HECTD4: variants seen among roughly 807,000 people sequenced by gnomAD.
HECTD4 encodes HECT domain E3 ubiquitin protein ligase 4.
HECTD4 carries 114 observed loss-of-function variants against 471.5 expected under a neutral mutation model. That is an observed-to-expected ratio of 0.24 (90% CI 0.21 to 0.28). The LOEUF is 0.28. Among genes scored for constraint, HECTD4 ranks in the 10% least tolerant of loss-of-function variants. The pLI is 1.00. For missense variants in HECTD4, 3,866 were observed against 5,651.5 expected (o/e 0.68, Z 10.13); for synonymous variants, 2,012 against 2,256.0 (o/e 0.89, Z 3.07).
chr12:112,302,755 T>C, intron 7 of HECTD4: 1 of 364,132 alleles, frequency 2.7e-6, no homozygotes, highest in South Asian at 4.3e-5. Flanking sequence ...ACTTTTCTAA[T>C]GATCCTTGGT....
chr12:112,261,154 T>G, intron 18 of HECTD4, 151 bp downstream of exon 18: 1 of 744,336 alleles, frequency 1.3e-6, no homozygotes, highest in East Asian at 3.0e-5. Context: ...GTGACTGCAC[T>G]TGGCTTTCAA....
In HECTD4 at chr12:112,256,581, A is replaced by G. The variant is rs2034014411; in HGVS notation, c.3129-63T>C. On this transcript the variant is annotated intron_variant, in intron 20 of 75. Transcript: ENST00000682272. ...CAAGGAAAGGAAAAACAATGTAAAC[A>G]TTAAATTGCTCTTTAATTTTCCACA... is the stretch of plus-strand genomic sequence containing the variant. The G allele has an allele frequency of 3.4e-6, 4 of 1,180,632 alleles. 1 individual carries two copies. The South Asian group carries it at 8.1e-5, about 24-fold the overall frequency. The allele number at this position is 1,180,632 out of a possible 1,614,324, so 73.1% of individuals were successfully genotyped here.
chr12:112,262,515 CAAAAA>C (rs758273849), intron 17 of HECTD4, among the ~76,000 whole-genome samples: 1 of 19,762 alleles, frequency 5.1e-5, no homozygotes, highest in Non-Finnish European at 1.1e-4. Context: ...GACTCCATCT[CAAAAA>C]AAAAAAAAAA....
At chr12:112,372,905 C>A (rs893099401) in intron 1 of HECTD4, among the ~76,000 whole-genome samples, 3 of 152,014 alleles carry the variant, frequency 2.0e-5, no homozygotes. Context: ...CAAGTGCATG[C>A]CACCACGCCC....
Position 112,167,550 on chromosome 12 carries a change from G to GGTGGGCATGAGGTGAC in HECTD4, c.12313-28_12313-13dup. The GGTGGGCATGAGGTGAC allele has an allele frequency of 6.4e-7, 1 of 1,562,926 alleles. No homozygotes were observed. The stretch of plus-strand genomic sequence containing the variant: ...AGGATATACTTGCCCTGGAAGTGGA[G>GGTGGGCATGAGGTGAC]GTGGGCATGAGGTGACCTGGGCGTG... On this transcript the variant is annotated splice_polypyrimidine_tract_variant and intron_variant, in intron 71 of 75. Transcript: ENST00000682272.
chr12:112,306,663 T>A (rs2035276612), intron 6 of HECTD4, among the ~76,000 whole-genome samples: 1 of 152,192 alleles, frequency 6.6e-6, no homozygotes, highest in South Asian at 2.1e-4. Context: ...CTTATTCACC[T>A]CTATATCTCC....
intron 48 of HECTD4, 28 bp downstream of exon 48, chr12:112,216,264 A>T: frequency 2.1e-6 from 3 of 1,449,894 alleles, no homozygotes; most frequent in Non-Finnish European, 9.5e-7. Flanking sequence ...AGAATCACAC[A>T]GGGTGGAAAA....
intron 68 of HECTD4, 154 bp from the exon 69 acceptor site, chr12:112,170,606 T>C: frequency 1.1e-6 from 1 of 898,098 alleles, no homozygotes; most frequent in Non-Finnish European, 1.7e-6. Flanking sequence ...TGTGTCAGCA[T>C]CCGCCCAGCA....
intron 8 of HECTD4, among the ~76,000 whole-genome samples, chr12:112,281,817 T>C (rs934757247): frequency 6.6e-6 from 1 of 152,238 alleles, no homozygotes; most frequent in African/African-American, 2.4e-5. Flanking sequence ...ATTAAATGCA[T>C]ATTAATTCAG....
At chr12:112,172,316 T>G (rs1566059714) in intron 67 of HECTD4, among the ~76,000 whole-genome samples, 1 of 152,268 alleles carries the variant, frequency 6.6e-6, no homozygotes, top group African/African-American at 2.4e-5. Context: ...ATGCCTCTAC[T>G]GCAAGTTATC....
chr12:112,336,496 C>G (rs1255201115), intron 1 of HECTD4, among the ~76,000 whole-genome samples: 1 of 151,362 alleles, frequency 6.6e-6, no homozygotes, highest in African/African-American at 2.4e-5. Flanking sequence ...GCACTCCAAC[C>G]TGGGCAACAG....
At chr12:112,207,302 C>T (rs1409244373) in intron 52 of HECTD4, among the ~76,000 whole-genome samples, 1 of 152,112 alleles carries the variant, frequency 6.6e-6, no homozygotes, top group Non-Finnish European at 1.5e-5. Context: ...TGCCACCACA[C>T]CCAGCTAATT....
intron 44 of HECTD4, among the ~76,000 whole-genome samples, chr12:112,224,986 C>T (rs959157857): frequency 1.3e-5 from 2 of 152,116 alleles, no homozygotes; most frequent in Admixed American, 1.3e-4. Context: ...GAACTAAGGA[C>T]CTACTAAGAG....
intron 7 of HECTD4, among the ~76,000 whole-genome samples, chr12:112,288,730 C>T (rs1416221010): frequency 6.6e-6 from 1 of 152,236 alleles, no homozygotes; most frequent in African/African-American, 2.4e-5. Context: ...CTTCAGCATA[C>T]ATTACTGAAT....
At chr12:112,226,596 G>A (rs1318255568) in intron 44 of HECTD4, 47 bp downstream of exon 44, 6 of 1,265,674 alleles carry the variant, frequency 4.7e-6, no homozygotes, top group African/African-American at 1.5e-5. Context: ...CAAATGTGCT[G>A]AGAAAATTCA....
chr12:112,305,832 A>G (rs1343330200), intron 7 of HECTD4, among the ~76,000 whole-genome samples: 1 of 152,250 alleles, frequency 6.6e-6, no homozygotes, highest in Non-Finnish European at 1.5e-5. Context: ...TACACATTAA[A>G]TAATGTTATC....
At chr12:112,367,596 G>T (rs1314163464) in intron 1 of HECTD4, among the ~76,000 whole-genome samples, 1 of 151,742 alleles carries the variant, frequency 6.6e-6, no homozygotes, top group Non-Finnish European at 1.5e-5. Context: ...GAGGTGGGTG[G>T]ATCATCTGAG....
Position 112,193,652 on chromosome 12 carries a change from C to T in HECTD4, c.8772G>A (p.Ser2924=). The change falls in exon 57 of 76, where the codon TCG becomes TCA. Residue 2924 remains serine, a synonymous_variant. Transcript: ENST00000682272. This position sits in a 1 kb window ranked among gnomAD's most constrained non-coding sequence, Gnocchi z 5.2. The stretch of plus-strand genomic sequence containing the variant: ...GCTGTAAAGACTGCGCCAGGAGGAT[C>T]GAGCTGGAGCTGATGGTGCCGTCTG... ...PLPDGTISSS[S]ILLAQSLQHC... The T allele has an allele frequency of 2.5e-6, 4 of 1,612,348 alleles. No individual in the cohort carries two copies. Among genetic ancestry groups the T allele is most frequent in the Non-Finnish European group, 3.4e-6 (4 of 1,179,244 alleles).
intron 55 of HECTD4, among the ~76,000 whole-genome samples, chr12:112,199,089 G>C (rs535379238): frequency 6.6e-6 from 1 of 152,206 alleles, no homozygotes; most frequent in Non-Finnish European, 1.5e-5. Context: ...CCGGCCGCAG[G>C]AGCCCTGCTG....
Sources: allele counts gnomAD v4.1 joint callset (sites outside exome capture counted in the v4.1 genomes callset), GRCh38; gene constraint gnomAD v4.1.1; non-coding constraint Gnocchi (gnomAD v3.1); transcripts MANE v1.5; gene names NCBI Gene and HGNC (gene_info 2026-07-23, HGNC 2026-07-21).